Variants in NACC1 observed in about 807,000 individuals in gnomAD.
NACC1 encodes nucleus accumbens-associated protein 1.
Under a neutral mutation model 41.7 loss-of-function variants are expected in NACC1, and 6 were observed. That is an observed-to-expected ratio of 0.14 (90% CI 0.08 to 0.28). NACC1 has a LOEUF of 0.28. NACC1 is among the 10% of genes least tolerant of loss of function. NACC1 has a pLI of 1.00. For synonymous variants in NACC1, 338 were observed against 330.6 expected (o/e 1.02, Z -0.24); for missense variants, 434 against 763.7 (o/e 0.57, Z 5.09).
rs531436184 is a variant in NACC1, at chr19:13,132,693, C to G, written c.-8-2507C>G. 1.1e-4 allele frequency among the ~76,000 whole-genome samples: 17 copies of G among 152,194 alleles called. No individual in the cohort carries two copies. The East Asian group carries it at 3.3e-3, about 29-fold the overall frequency. On this transcript the variant is annotated intron_variant, in intron 1 of 5. Transcript: ENST00000292431. ...GGGCCTGTGTCTTGCTTGTGGCCTG[C>G]CAGGGTAGCAGCTCAGTAAGTGAGA...
chr19:13,123,646 G>C (rs1283310487), intron 1 of NACC1, among the ~76,000 whole-genome samples: 6 of 152,198 alleles, frequency 3.9e-5, no homozygotes, highest in African/African-American at 1.4e-4. Context: ...AGAAGACCCT[G>C]TTTCTGGAGA....
Position 13,136,090 on chromosome 19 carries a change from G to C in NACC1, c.883G>C (p.Glu295Gln), listed in dbSNP as rs2019702692. ...EEDGGEEGMD[E>Q]QYRQICNMYT... is the part of the protein sequence containing the mutation. ...GGATGGTGGCGAGGAGGGCATGGAT[G>C]AGCAGTACCGGCAGATCTGCAACAT... Residue 295 changes from glutamate (E) to glutamine (Q), a missense_variant, in exon 2 of 6, where the codon GAG becomes CAG. Physicochemically the swap from Glu to Gln is conservative, Grantham distance 29. Coordinates refer to ENST00000292431, the MANE Select transcript of NACC1 (RefSeq NM_052876.4). This position sits in a 1 kb window ranked among gnomAD's most constrained non-coding sequence, Gnocchi z 5.5. The C allele has an allele frequency of 6.2e-7, 1 of 1,613,948 alleles. No homozygotes were observed. The highest frequency in any genetic ancestry group is 8.5e-7 in the Non-Finnish European group (1 of 1,180,024).
chr19:13,134,447 T>C (rs1447058787), intron 1 of NACC1, among the ~76,000 whole-genome samples: 2 of 152,048 alleles, frequency 1.3e-5, no homozygotes, highest in Non-Finnish European at 2.9e-5. Flanking sequence ...CTCGGCTCAC[T>C]GCAACCTCTG....
intron 1 of NACC1, among the ~76,000 whole-genome samples, chr19:13,130,535 CTTTTTTTT>C (rs34032574): frequency 1.6e-5 from 2 of 128,604 alleles, no homozygotes; most frequent in East Asian, 2.1e-4. Context: ...TTTTTCTTTT[CTTTTTTTT>C]TTTTTTTTTT....
chr19:13,127,399 T>TTTTC lies in NACC1; in HGVS notation c.-8-7800_-8-7799insTTCT, dbSNP rs2019577804. ...TTTTTTTTTTTTTTTTTTTTTTTTT[T>TTTTC]TCGGTTAACTGGATGGGCCGGGTGC... On this transcript the variant is annotated intron_variant, in intron 1 of 5. Coordinates refer to ENST00000292431, the MANE Select transcript of NACC1 (RefSeq NM_052876.4). Among the ~76,000 whole-genome samples, 21 of 121,536 alleles carry TTTTC rather than the reference T, an allele frequency of 1.7e-4. 2 individuals carry two copies. Among genetic ancestry groups the TTTTC allele is most frequent in the African/African-American group, 6.5e-4 (21 of 32,524 alleles). 79.7% of individuals were successfully genotyped at this position (121,536 alleles called of 152,430 possible).
chr19:13,124,851 G>A (rs994756061), intron 1 of NACC1, among the ~76,000 whole-genome samples: 1 of 151,968 alleles, frequency 6.6e-6, no homozygotes, highest in African/African-American at 2.4e-5. Context: ...GGCTGAGATG[G>A]GAGGATTGCT....
In NACC1 at chr19:13,136,137, G is replaced by A; in HGVS notation, c.930G>A (p.Met310Ile). Residue 310 changes from methionine (M) to isoleucine (I), a missense_variant, in exon 2 of 6, where the codon ATG becomes ATA. By Grantham distance (10) the Met-to-Ile change is conservative (BLOSUM62 1). Coordinates refer to ENST00000292431, the MANE Select transcript of NACC1 (RefSeq NM_052876.4). This position sits in a 1 kb window ranked among gnomAD's most constrained non-coding sequence, Gnocchi z 5.5. Reference protein sequence around the residue: ...ICNMYTMYSMMNVGQTAEKVE... With the variant: ...ICNMYTMYSMINVGQTAEKVE... ...ACATGTACACCATGTACAGCATGAT[G>A]AACGTCGGCCAGACAGGTGAGGTGC... is the stretch of plus-strand genomic sequence containing the variant. The A allele has an allele frequency of 6.2e-7, 1 of 1,612,778 alleles. No homozygotes were observed. The highest frequency in any genetic ancestry group is 8.5e-7 in the Non-Finnish European group (1 of 1,179,332).
At chr19:13,131,017 C>T (rs1193444487) in intron 1 of NACC1, among the ~76,000 whole-genome samples, 1 of 152,132 alleles carries the variant, frequency 6.6e-6, no homozygotes, top group Non-Finnish European at 1.5e-5. Flanking sequence ...ACCTTCCCGC[C>T]CAGAAGTGTT....
chr19:13,135,084 G>A (rs569892572), intron 1 of NACC1, 116 bp from the exon 2 acceptor site: 10 of 1,431,624 alleles, frequency 7.0e-6, no homozygotes, highest in African/African-American at 5.7e-5. Context: ...TCCATCGTGC[G>A]GATGTCCCTC....
intron 1 of NACC1, among the ~76,000 whole-genome samples, chr19:13,134,528 A>C (rs2019674397): frequency 6.6e-6 from 1 of 151,492 alleles, no homozygotes; most frequent in Admixed American, 6.6e-5. Context: ...ACACCACCTT[A>C]CCTGGCTAAT....
Position 13,135,822 on chromosome 19 carries a change from G to A in NACC1, c.615G>A (p.Lys205=). ...GCAATGGCAGCCGCAAGATGGCCAA[G>A]TTCTCCACGCCGGACCTGGCTGCCA... The part of the protein sequence containing the change: ...GGGNGSRKMA[K]FSTPDLAANR... The change falls in exon 2 of 6, where the codon AAG becomes AAA. Residue 205 remains lysine, a synonymous_variant. Coordinates refer to ENST00000292431, the MANE Select transcript of NACC1 (RefSeq NM_052876.4). The A allele has an allele frequency of 6.4e-7, 1 of 1,554,002 alleles. No individual in the cohort carries two copies. Among genetic ancestry groups the A allele is most frequent in the Non-Finnish European group, 8.7e-7 (1 of 1,151,018 alleles).
intron 1 of NACC1, among the ~76,000 whole-genome samples, chr19:13,126,055 T>C (rs1161651447): frequency 1.3e-5 from 2 of 151,494 alleles, no homozygotes; most frequent in African/African-American, 4.9e-5. Flanking sequence ...TAACTTTTTT[T>C]TTTTTTTTAG....
chr19:13,128,182 A>G (rs989835646), intron 1 of NACC1, among the ~76,000 whole-genome samples: 5 of 152,184 alleles, frequency 3.3e-5, no homozygotes, highest in Admixed American at 2.0e-4. Flanking sequence ...TTCACAGGGA[A>G]GTCCGGGCCA....
intron 1 of NACC1, among the ~76,000 whole-genome samples, chr19:13,119,298 T>C (rs1044449987): frequency 2.6e-5 from 4 of 151,732 alleles, no homozygotes; most frequent in African/African-American, 9.7e-5. Flanking sequence ...CCCTGAAGCC[T>C]CTAGAGTCCT....
At chr19:13,122,515 G>T (rs2019509215) in intron 1 of NACC1, among the ~76,000 whole-genome samples, 1 of 90,554 alleles carries the variant, frequency 1.1e-5, no homozygotes, top group South Asian at 4.3e-4. Flanking sequence ...ATTTTTGGTT[G>T]CCCCTGCCGG....
intron 1 of NACC1, among the ~76,000 whole-genome samples, chr19:13,119,203 G>T (rs1037412391): frequency 3.9e-5 from 6 of 152,018 alleles, no homozygotes; most frequent in Non-Finnish European, 8.8e-5. Flanking sequence ...GGAAAAGCTG[G>T]TGTGACCAGA....
chr19:13,139,102 TC>T lies in NACC1; in HGVS notation c.*698del, dbSNP rs1403277848. On this transcript the variant is annotated 3_prime_UTR_variant, in exon 6 of 6. Coordinates refer to ENST00000292431, the MANE Select transcript of NACC1 (RefSeq NM_052876.4). ...GGCAGGTCCTAAAGGAGGGGGGGTC[TC>T]CTGGGGGCAGACCGAGGGTCTCGGA... The T allele has an allele frequency of 6.6e-6, 1 of 151,712 alleles. No homozygotes were observed. The highest frequency in any genetic ancestry group is 1.5e-5 in the Non-Finnish European group (1 of 68,114). 9.4% of individuals were successfully genotyped at this position (151,712 alleles called of 1,614,324 possible). A position where few individuals can be genotyped will look rare whatever the true frequency, so the allele number is the denominator to read the frequency against.
rs777255536 is a variant in NACC1, at chr19:13,138,324, C to T, written c.1502C>T (p.Pro501Leu). 5.0e-6 allele frequency: 8 copies of T among 1,614,102 alleles called. No homozygotes were observed. Among genetic ancestry groups the T allele is most frequent in the South Asian group, 3.3e-5 (3 of 91,092 alleles). ...TFISETGKIE[P>L]DMMGVEHGFE... ...ATCAGTGAAACGGGCAAGATCGAGC[C>T]GGACATGATGGGTGTGGAGCATGGC... Residue 501 changes from proline to leucine, a missense_variant, in exon 6 of 6, where the codon CCG becomes CTG. By Grantham distance (98) the Pro-to-Leu change is moderately conservative. Coordinates refer to ENST00000292431, the MANE Select transcript of NACC1 (RefSeq NM_052876.4). The surrounding 1 kb of genome is among the most constrained non-coding windows in gnomAD (Gnocchi z 5.7).
At chr19:13,124,476 A>G (rs1032258991) in intron 1 of NACC1, among the ~76,000 whole-genome samples, 2 of 152,080 alleles carry the variant, frequency 1.3e-5, no homozygotes, top group Non-Finnish European at 2.9e-5. Flanking sequence ...TCCTGGCTTC[A>G]AGCGTCTTCC....
Sources: allele counts gnomAD v4.1 joint callset (sites outside exome capture counted in the v4.1 genomes callset), GRCh38; gene constraint gnomAD v4.1.1; non-coding constraint Gnocchi (gnomAD v3.1); transcripts MANE v1.5; gene names NCBI Gene and HGNC (gene_info 2026-07-23, HGNC 2026-07-21).